Variants in MYDGF observed in about 807,000 individuals in gnomAD.
The protein encoded by MYDGF is myeloid-derived growth factor.
Under a neutral mutation model 24.2 loss-of-function variants are expected in MYDGF, and 29 were observed. That is an observed-to-expected ratio of 1.20 (90% CI 0.89 to 1.63). The LOEUF is 1.63. Among genes scored for constraint, MYDGF ranks in the 40% most tolerant of loss-of-function variants. The pLI is 0.00. For synonymous variants in MYDGF, 105 were observed against 102.5 expected (o/e 1.02, Z -0.15); for missense variants, 245 against 234.8 (o/e 1.04, Z -0.29).
Position 4,657,740 on chromosome 19 carries a change from C to T in MYDGF, c.*265G>A, listed in dbSNP as rs1343543836. 3 of 321,622 alleles carry T rather than the reference C, an allele frequency of 9.3e-6. No individual in the cohort carries two copies. Among genetic ancestry groups the T allele is most frequent in the Admixed American group, 4.2e-5 (1 of 23,756 alleles). 19.9% of individuals were successfully genotyped at this position (321,622 alleles called of 1,614,324 possible). A position where few individuals can be genotyped will look rare whatever the true frequency, so the allele number is the denominator to read the frequency against. ...CATGTTCCCCACCCTCTTTGTGCCC[C>T]GGATCTGCGATCCTGAGTCCAGAAG... On this transcript the variant is annotated 3_prime_UTR_variant, in exon 6 of 6. Coordinates refer to ENST00000262947, the MANE Select transcript of MYDGF (RefSeq NM_019107.4).
intron 2 of MYDGF, among the ~76,000 whole-genome samples, chr19:4,667,186 T>C (rs569498827): frequency 2.0e-4 from 29 of 143,614 alleles, no homozygotes; most frequent in Non-Finnish European, 4.3e-4. Context: ...TGGAGTGCAG[T>C]GGCGCGATCT....
rs377055146 is a variant in MYDGF, at chr19:4,664,093, T to G, written c.287+783A>C. Among the ~76,000 whole-genome samples, 14 of 152,028 alleles carry G rather than the reference T, an allele frequency of 9.2e-5. No individual in the cohort carries two copies. The East Asian group carries it at 9.8e-4, about 11-fold the overall frequency. On this transcript the variant is annotated intron_variant, in intron 3 of 5. Coordinates refer to ENST00000262947, the MANE Select transcript of MYDGF (RefSeq NM_019107.4). ...ACACCAAAGGCCACACAGGGAAGGT[T>G]TGACCCCATTTCTATGCAATGTCCA...
chr19:4,657,718 G>C lies in MYDGF; in HGVS notation c.*287C>G. The stretch of plus-strand genomic sequence containing the variant: ...CTGCTTTCCCCAGCATAGCCCCCAT[G>C]TTCCCCACCCTCTTTGTGCCCCGGA... On this transcript the variant is annotated 3_prime_UTR_variant, in exon 6 of 6. Transcript: ENST00000262947. 1 of 293,076 alleles carries C rather than the reference G, an allele frequency of 3.4e-6. No individual in the cohort carries two copies. The highest frequency in any genetic ancestry group is 6.4e-6 in the Non-Finnish European group (1 of 156,240). 18.2% of individuals were successfully genotyped at this position (293,076 alleles called of 1,614,324 possible). A position where few individuals can be genotyped will look rare whatever the true frequency, so the allele number is the denominator to read the frequency against.
Position 4,658,082 on chromosome 19 carries a change from C to T in MYDGF, c.445G>A (p.Ala149Thr). ...EEFEVTKTAVAHRPGAFKAEL... is the reference protein window; with the variant it reads ...EEFEVTKTAVTHRPGAFKAEL... ...GCTTTGAATGCCCCGGGCCTGTGAG[C>T]CACTGCAAGAAAGAAACACATGGTT... The change falls in exon 6 of 6, where the codon GCT becomes ACT. Residue 149 changes from alanine (A) to threonine (T), a missense_variant and splice_region_variant. Coordinates refer to ENST00000262947, the MANE Select transcript of MYDGF (RefSeq NM_019107.4). 2 of 1,609,288 alleles carry T rather than the reference C, an allele frequency of 1.2e-6. No individual in the cohort carries two copies. Among genetic ancestry groups the T allele is most frequent in the Non-Finnish European group, 8.5e-7 (1 of 1,178,262 alleles).
chr19:4,661,756 A>G (rs61181359), intron 3 of MYDGF, among the ~76,000 whole-genome samples: 3,083 of 152,062 alleles, frequency 0.02, 108 homozygotes, highest in African/African-American at 0.071. Context: ...CTGGTCAGGG[A>G]GGGTCCAGTC....
intron 3 of MYDGF, among the ~76,000 whole-genome samples, chr19:4,662,983 C>T (rs1315173376): frequency 6.6e-6 from 1 of 151,320 alleles, no homozygotes; most frequent in East Asian, 2.0e-4. Context: ...CTCCCCTCCT[C>T]CCTGTCCTCA....
intron 2 of MYDGF, among the ~76,000 whole-genome samples, chr19:4,665,618 A>C (rs2088514205): frequency 6.6e-6 from 1 of 151,404 alleles, no homozygotes. Context: ...TCAGGAGATC[A>C]AGACCATCCT....
At position 4,668,637 on chromosome 19, in the gene MYDGF, A is replaced by G. The variant is rs2088538740; in HGVS notation, c.183T>C (p.Tyr61=). Reference sequence around the variant, plus strand: ...GAGAGGCGTAAGTGAACATACACGTATATTTGTCCTAGAGAATGGAAGGAA... The same window carrying G: ...GAGAGGCGTAAGTGAACATACACGTGTATTTGTCCTAGAGAATGGAAGGAA... The part of the protein sequence containing the change: ...FSHNVGPGDK[Y]TCMFTYASQG... The change falls in exon 2 of 6, where the codon TAT becomes TAC. Residue 61 remains tyrosine (Y), a synonymous_variant. Transcript: ENST00000262947. The G allele has an allele frequency of 9.9e-6, 16 of 1,612,736 alleles. No individual in the cohort carries two copies. The highest frequency in any genetic ancestry group is 1.4e-5 in the Non-Finnish European group (16 of 1,179,226).
chr19:4,660,285 C>T (rs1393211186), intron 4 of MYDGF, among the ~76,000 whole-genome samples: 1 of 152,084 alleles, frequency 6.6e-6, no homozygotes, highest in Non-Finnish European at 1.5e-5. Context: ...GCCAACACGC[C>T]TGGCTATTTT....
chr19:4,664,759 C>T (rs181053972), intron 3 of MYDGF, 117 bp downstream of exon 3: 48 of 1,159,724 alleles, frequency 4.1e-5, no homozygotes, highest in Non-Finnish European at 5.7e-5. Context: ...AGTCTCCCTG[C>T]TGGTCTGTCT....
intron 2 of MYDGF, among the ~76,000 whole-genome samples, chr19:4,667,304 ATT>A (rs1021325865): frequency 6.6e-6 from 1 of 151,440 alleles, no homozygotes; most frequent in Admixed American, 6.6e-5. Context: ...AATTTTTTGT[ATT>A]TTTAGTAGAG....
At chr19:4,658,570 A>C (rs2088442580) in intron 5 of MYDGF, among the ~76,000 whole-genome samples, 1 of 151,476 alleles carries the variant, frequency 6.6e-6, no homozygotes, top group African/African-American at 2.4e-5. Flanking sequence ...TGCTGTGTCC[A>C]CTCCCTTGGC....
intron 2 of MYDGF, among the ~76,000 whole-genome samples, chr19:4,667,420 G>T (rs573109532): frequency 1.2e-4 from 18 of 152,116 alleles, no homozygotes; most frequent in Non-Finnish European, 2.2e-4. Context: ...GAGCCAGTGC[G>T]CCTGGCTCGC....
chr19:4,659,938 T>A lies in MYDGF; in HGVS notation c.435A>T (p.Lys145Asn). The change falls in exon 5 of 6, where the codon AAA (lysine) becomes AAT (asparagine). Residue 145 changes from lysine to asparagine, a missense_variant. Transcript: ENST00000262947. ...PLKTEEFEVT[K>N]TAVAHRPGAF... ...ATCCCCATCTTTCCGTACCTGCTGT[T>A]TTGGTCACTTCAAATTCCTCAGTTT... The A allele has an allele frequency of 6.2e-7, 1 of 1,613,966 alleles. No individual in the cohort carries two copies. Among genetic ancestry groups the A allele is most frequent in the Non-Finnish European group, 8.5e-7 (1 of 1,179,918 alleles).
intron 5 of MYDGF, among the ~76,000 whole-genome samples, 185 bp from the exon 6 acceptor site, chr19:4,658,269 T>TGGA (rs1282427118): frequency 6.6e-6 from 1 of 152,024 alleles, no homozygotes; most frequent in Non-Finnish European, 1.5e-5. Context: ...AACAGTGATG[T>TGGA]GGAGGGTAAG....
At chr19:4,660,534 C>T in intron 4 of MYDGF, 135 bp downstream of exon 4, 3 of 796,360 alleles carry the variant, frequency 3.8e-6, no homozygotes, top group Middle Eastern at 2.5e-4. Context: ...CTGCAAGTTA[C>T]ACACCCTACC....
intron 2 of MYDGF, among the ~76,000 whole-genome samples, chr19:4,667,025 A>G (rs2088526552): frequency 6.6e-6 from 1 of 150,492 alleles, no homozygotes; most frequent in Non-Finnish European, 1.5e-5. Context: ...TGCCAGCCAG[A>G]GGCTGTTCTC....
intron 1 of MYDGF, among the ~76,000 whole-genome samples, chr19:4,669,565 C>T (rs2088547005): frequency 6.6e-6 from 1 of 152,118 alleles, no homozygotes; most frequent in Non-Finnish European, 1.5e-5. Flanking sequence ...ATGCAGTGAG[C>T]CGAGATCCCG....
chr19:4,664,728 C>A, intron 3 of MYDGF, 148 bp downstream of exon 3: 1 of 836,132 alleles, frequency 1.2e-6, no homozygotes, highest in Admixed American at 2.6e-5. Flanking sequence ...GACCCTGCCA[C>A]CCCCCACCTG....
Sources: gnomAD v4.1 joint callset for allele counts (sites outside exome capture counted in the v4.1 genomes callset) on GRCh38, gnomAD v4.1.1 for gene constraint, MANE v1.5 for transcripts, NCBI Gene and HGNC (gene_info 2026-07-23, HGNC 2026-07-21) for gene names.